Variants in SERPINA11 observed in about 807,000 individuals in gnomAD.
The protein encoded by SERPINA11 is serpin family A member 11.
In SERPINA11, 28 loss-of-function variants were observed where a neutral mutation model predicts 29.4. That is an observed-to-expected ratio of 0.95 (90% CI 0.70 to 1.30). The LOEUF (loss-of-function observed/expected upper bound fraction) is 1.30. SERPINA11 is among the 50% of genes most tolerant of loss of function. The pLI is 0.00. For synonymous variants in SERPINA11, 253 were observed against 206.6 expected, an observed-to-expected ratio of 1.22 and a Z score of -1.92; for missense variants, 530 against 507.3, an observed-to-expected ratio of 1.04 and a Z score of -0.43.
chr14:94,442,818 C>A lies in SERPINA11; in HGVS notation c.1066-9G>T, dbSNP rs1207116569. 2 of 1,590,878 alleles carry A rather than the reference C, an allele frequency of 1.3e-6. No individual in the cohort carries two copies. The highest frequency in any genetic ancestry group is 1.7e-5 in the Admixed American group (1 of 57,750). ...ATCGCCTTGTGTGACACCTAGAGGA[C>A]AAGAGGAGATGAAGACAGCATCAGT... On this transcript the variant is annotated splice_polypyrimidine_tract_variant and intron_variant, in intron 4 of 4. Coordinates refer to ENST00000334708, the MANE Select transcript of SERPINA11 (RefSeq NM_001080451.2).
intron 3 of SERPINA11, among the ~76,000 whole-genome samples, chr14:94,445,709 T>C (rs1038218455): frequency 3.3e-5 from 5 of 152,036 alleles, no homozygotes; most frequent in South Asian, 4.2e-4. Flanking sequence ...GTTGGGACTA[T>C]AGGCATGCAT....
chr14:94,446,391 T>C lies in SERPINA11; in HGVS notation c.857A>G (p.Gln286Arg). The change falls in exon 3 of 5, where the codon CAG becomes CGG. Residue 286 changes from glutamine to arginine, a missense_variant. Transcript: ENST00000334708. ...LVLPDPGKMKQVEAALQPQTL... is the reference protein window; with the variant it reads ...LVLPDPGKMKRVEAALQPQTL... ...CTGTGGCTGCAGAGCAGCCTCCACC[T>C]GCTTCATTTTCCCCGGGTCAGGGAG... 1 of 1,614,162 alleles carries C rather than the reference T, an allele frequency of 6.2e-7. No individual in the cohort carries two copies. The highest frequency in any genetic ancestry group is 8.5e-7 in the Non-Finnish European group (1 of 1,180,004).
rs1566784786 is a variant in SERPINA11, at chr14:94,449,484, TCTGTCTGTCTTTCTTTC to T, written c.-3-724_-3-708del. Reference sequence around the variant, plus strand: ...TTCTTTCTTTCTTTCTTTCTTTCTGTCTGTCTGTCTTTCTTTCTCTTTCTTTTTCTTTCTTTCTTTCT... The same window carrying T: ...TTCTTTCTTTCTTTCTTTCTTTCTGTTCTTTCTTTTTCTTTCTTTCTTTCT... On this transcript the variant is annotated intron_variant, in intron 1 of 4. Transcript: ENST00000334708. Among the ~76,000 whole-genome samples, 71 of 89,678 alleles carry T rather than the reference TCTGTCTGTCTTTCTTTC, an allele frequency of 7.9e-4. 2 individuals are homozygous for T. The highest frequency in any genetic ancestry group is 3.5e-3 in the Admixed American group (31 of 8,804). The allele number at this position is 89,678 out of a possible 152,430, so 58.8% of individuals were successfully genotyped here.
In SERPINA11 at chr14:94,448,737, A is replaced by T. The variant is rs774782923; in HGVS notation, c.38T>A (p.Ile13Asn). The change falls in exon 2 of 5, where the codon ATC (isoleucine) becomes AAC (asparagine). Residue 13 changes from isoleucine (I) to asparagine (N), a missense_variant. Physicochemically the swap from Ile to Asn is moderately radical, Grantham distance 149. Transcript: ENST00000334708. The stretch of plus-strand genomic sequence containing the variant: ...GGGCTGACAGTGGACAGAGGCCAGG[A>T]TCCCTGTTCCCAGTAGCCAAAGCCA... ...PAWLWLLGTGILASVHCQPLL... is the reference protein window; with the variant it reads ...PAWLWLLGTGNLASVHCQPLL... 1 of 1,515,162 alleles carries T rather than the reference A, an allele frequency of 6.6e-7. No individual in the cohort carries two copies. Among genetic ancestry groups the T allele is most frequent in the Non-Finnish European group, 8.8e-7 (1 of 1,133,040 alleles). 93.9% of individuals were successfully genotyped at this position (1,515,162 alleles called of 1,614,324 possible).
Position 94,448,444 on chromosome 14 carries a change from G to C in SERPINA11, c.331C>G (p.Pro111Ala). 1 of 1,614,196 alleles carries C rather than the reference G, an allele frequency of 6.2e-7. No individual in the cohort carries two copies. The highest frequency in any genetic ancestry group is 8.5e-7 in the Non-Finnish European group (1 of 1,180,034). ...AAGCCCTGGTGGATGTCGGCTTCAG[G>C]GGTTTCTGTGAGGTTGAATCCCAGG... ...EGLGFNLTET[P>A]EADIHQGFRS... is the part of the protein sequence containing the mutation. Residue 111 changes from proline to alanine, a missense_variant, in exon 2 of 5, where the codon CCT (proline) becomes GCT (alanine). Physicochemically the swap from Pro to Ala is conservative, Grantham distance 27. Transcript: ENST00000334708.
At chr14:94,450,111 C>T (rs1483062676) in intron 1 of SERPINA11, among the ~76,000 whole-genome samples, 1 of 152,164 alleles carries the variant, frequency 6.6e-6, no homozygotes, top group African/African-American at 2.4e-5. Context: ...CTCCATGTCT[C>T]TGTCCAGCCT....
chr14:94,451,299 G>C (rs1898581221), intron 1 of SERPINA11, among the ~76,000 whole-genome samples: 1 of 152,174 alleles, frequency 6.6e-6, no homozygotes, highest in Non-Finnish European at 1.5e-5. Context: ...GCGTTTGCTG[G>C]TCAAAGTACT....
intron 1 of SERPINA11, 79 bp downstream of exon 1, chr14:94,452,638 CACACACACACAG>C (rs1484775648): frequency 1.5e-5 from 2 of 135,306 alleles, no homozygotes; most frequent in East Asian, 2.7e-4. Flanking sequence ...CACACACACA[CACACACACACAG>C]AGACAGAGAG....
In SERPINA11 at chr14:94,449,187, A is replaced by C. The variant is rs1045186284; in HGVS notation, c.-3-410T>G. Among the ~76,000 whole-genome samples, 6 of 152,120 alleles carry C rather than the reference A, an allele frequency of 3.9e-5. 1 individual carries two copies. The South Asian group carries it at 8.3e-4, about 21-fold the overall frequency. ...GCAACATAGGGAGACCCCCTCTACAAAATGTTTTTAAAAATTAGCTGGGTG... is the reference window on the plus strand; with the variant it reads ...GCAACATAGGGAGACCCCCTCTACACAATGTTTTTAAAAATTAGCTGGGTG... On this transcript the variant is annotated intron_variant, in intron 1 of 4. Coordinates refer to ENST00000334708, the MANE Select transcript of SERPINA11 (RefSeq NM_001080451.2).
chr14:94,447,826 T>C (rs1459125847), intron 2 of SERPINA11, among the ~76,000 whole-genome samples: 1 of 152,242 alleles, frequency 6.6e-6, no homozygotes, highest in East Asian at 1.9e-4. Flanking sequence ...GAGTGGATAC[T>C]ACTCACTCTC....
chr14:94,452,598 A>AACACACACACACACACACACACACACAC (rs57692788), intron 1 of SERPINA11, 131 bp downstream of exon 1: 14 of 120,178 alleles, frequency 1.2e-4, no homozygotes, highest in South Asian at 3.1e-4. Flanking sequence ...CAAAGCCAGG[A>AACACACACACACACACACACACACACAC]ACACACACAC....
chr14:94,449,295 CACTG>C (rs1898514232), intron 1 of SERPINA11, among the ~76,000 whole-genome samples: 1 of 152,148 alleles, frequency 6.6e-6, no homozygotes, highest in African/African-American at 2.4e-5. Flanking sequence ...GTGATTGTAC[CACTG>C]CACTCCAGCC....
intron 3 of SERPINA11, among the ~76,000 whole-genome samples, chr14:94,444,358 G>A (rs1472953492): frequency 6.6e-6 from 1 of 151,536 alleles, no homozygotes; most frequent in Non-Finnish European, 1.5e-5. Flanking sequence ...ATATCTAAAA[G>A]CCCCTAAAAA....
At chr14:94,452,377 T>C (rs1595656868) in intron 1 of SERPINA11, among the ~76,000 whole-genome samples, 1 of 152,104 alleles carries the variant, frequency 6.6e-6, no homozygotes. Context: ...CAGCTTCTAG[T>C]AAATTTGCTG....
At chr14:94,443,027 A>G in intron 4 of SERPINA11, 51 bp downstream of exon 4, 1 of 1,560,710 alleles carries the variant, frequency 6.4e-7, no homozygotes. Flanking sequence ...CAAAGGAGAA[A>G]CCTCCTACCT....
At chr14:94,451,801 G>A (rs1366230919) in intron 1 of SERPINA11, among the ~76,000 whole-genome samples, 1 of 152,198 alleles carries the variant, frequency 6.6e-6, no homozygotes, top group African/African-American at 2.4e-5. Context: ...AAAGCTCCAG[G>A]CATGCCGAAA....
intron 2 of SERPINA11, 130 bp downstream of exon 2, chr14:94,448,002 G>C: frequency 1.1e-6 from 1 of 879,052 alleles, no homozygotes; most frequent in Non-Finnish European, 1.8e-6. Context: ...GGCTACGCAA[G>C]GGTGGGAAAG....
rs1566784732 is a variant in SERPINA11 at position 94,449,471 on chromosome 14, TTC to T, written c.-3-696_-3-695del. ...TTTCTTTCTTTCTTTCTTTCTTTCT[TTC>T]TTTCTTTCTGTCTGTCTGTCTTTCT... On this transcript the variant is annotated intron_variant, in intron 1 of 4. Coordinates refer to ENST00000334708, the MANE Select transcript of SERPINA11 (RefSeq NM_001080451.2). Among the ~76,000 whole-genome samples, 198 of 108,704 alleles carry T rather than the reference TTC, an allele frequency of 1.8e-3. 13 individuals are homozygous for T. The highest frequency in any genetic ancestry group is 7.6e-3 in the African/African-American group (166 of 21,964). The allele number at this position is 108,704 out of a possible 152,430, so 71.3% of individuals were successfully genotyped here.
At position 94,442,771 on chromosome 14, in the gene SERPINA11, C is replaced by G; in HGVS notation, c.1104G>C (p.Gly368=). The G allele has an allele frequency of 6.2e-7, 1 of 1,612,166 alleles. No homozygotes were observed. The highest frequency in any genetic ancestry group is 1.1e-5 in the South Asian group (1 of 90,812). ...HKAMVDMSEK[G]TEAGAASGLL... is the part of the protein sequence containing the mutation. ...GGCCTGAAGCAGCCCCGGCCTCGGT[C>G]CCCTTCTCACTCATGTCCACCATCG... Residue 368 remains glycine, a synonymous_variant, in exon 5 of 5, where the codon GGG becomes GGC. Transcript: ENST00000334708.
Sources: gnomAD v4.1 joint callset for allele counts (sites outside exome capture counted in the v4.1 genomes callset) on GRCh38, gnomAD v4.1.1 for gene constraint, MANE v1.5 for transcripts, NCBI Gene and HGNC (gene_info 2026-07-23, HGNC 2026-07-21) for gene names.